NLE1: variants seen among roughly 807,000 people sequenced by gnomAD.
NLE1 encodes notchless homolog 1.
In NLE1, 37 loss-of-function variants were observed where a neutral mutation model predicts 62.8. The ratio of observed to expected loss-of-function variants is 0.59; its 90% CI spans 0.45 to 0.78. The LOEUF (loss-of-function observed/expected upper bound fraction) is 0.78, where lower values mean the gene tolerates loss of function less well. NLE1 is among the 30% of genes least tolerant of loss of function. The pLI is 0.00. For missense variants in NLE1, 555 were observed against 637.9 expected (o/e 0.87, Z 1.40); for synonymous variants, 243 against 253.0 (o/e 0.96, Z 0.37).
In NLE1 at chr17:35,133,565, C is replaced by T. The variant is rs148319978; in HGVS notation, c.1215-67G>A. On this transcript the variant is annotated intron_variant, in intron 10 of 12. Transcript: ENST00000442241. ...CATCTTTCAACACGTCTGAAGGGTC[C>T]CCTACGCTCATGGCAGTGGTTCTCA... is the stretch of plus-strand genomic sequence containing the variant. The T allele has an allele frequency of 5.0e-5, 73 of 1,455,882 alleles. No individual in the cohort carries two copies. In the East Asian group the frequency reaches 1.8e-3, roughly 35 times the overall value. The allele number at this position is 1,455,882 out of a possible 1,614,324, so 90.2% of individuals were successfully genotyped here.
chr17:35,131,769 C>T lies in NLE1; in HGVS notation c.*668G>A, dbSNP rs957506909. Reference sequence around the variant, plus strand: ...GATGAAAACCTTTCTGTGTGCTGTCCAATACTGGAGGCCTTACCCAGTGCG... The same window carrying T: ...GATGAAAACCTTTCTGTGTGCTGTCTAATACTGGAGGCCTTACCCAGTGCG... On this transcript the variant is annotated 3_prime_UTR_variant, in exon 13 of 13. Coordinates refer to ENST00000442241, the MANE Select transcript of NLE1 (RefSeq NM_018096.5). The T allele has an allele frequency of 1.3e-5, 2 of 152,382 alleles. No homozygotes were observed. The highest frequency in any genetic ancestry group is 2.9e-5 in the Non-Finnish European group (2 of 68,168). 9.4% of individuals were successfully genotyped at this position (152,382 alleles called of 1,614,324 possible).
At chr17:35,138,572 T>C (rs1403906271) in intron 4 of NLE1, among the ~76,000 whole-genome samples, 6 of 152,128 alleles carry the variant, frequency 3.9e-5, no homozygotes, top group Non-Finnish European at 5.9e-5. Context: ...GCCTCCCCAG[T>C]GGCTGGGATT....
At position 35,129,193 on chromosome 17, in the gene NLE1, A is replaced by G; in HGVS notation, c.*3244T>C. ...GACCCCTGGCGTATAAGAAATATGG[A>G]ATGAGGGTGTACCCTAAAGTGGGTG... On this transcript the variant is annotated 3_prime_UTR_variant, in exon 13 of 13. Coordinates refer to ENST00000442241, the MANE Select transcript of NLE1 (RefSeq NM_018096.5). 1.8e-6 allele frequency: 1 copy of G among 542,160 alleles called. No individual in the cohort carries two copies. The highest frequency in any genetic ancestry group is 2.4e-5 in the South Asian group (1 of 41,732). 33.6% of individuals were successfully genotyped at this position (542,160 alleles called of 1,614,324 possible).
intron 7 of NLE1, 118 bp downstream of exon 7, chr17:35,136,883 G>A (rs2091912023): frequency 1.0e-6 from 1 of 998,876 alleles, no homozygotes; most frequent in Admixed American, 2.2e-5. Flanking sequence ...CCCTAGACCA[G>A]GGCTCCCAGC....
rs573089819 is a variant in NLE1, at chr17:35,129,811, A to G, written c.*2626T>C. 110 of 1,440,930 alleles carry G rather than the reference A, an allele frequency of 7.6e-5. No individual in the cohort carries two copies. In the East Asian group the frequency reaches 2.5e-3, roughly 33 times the overall value. The allele number at this position is 1,440,930 out of a possible 1,614,324, so 89.3% of individuals were successfully genotyped here. On this transcript the variant is annotated 3_prime_UTR_variant, in exon 13 of 13. Coordinates refer to ENST00000442241, the MANE Select transcript of NLE1 (RefSeq NM_018096.5). ...TCAAGAAGCATCAATTCCAGAATGC[A>G]TGCTTCTGGGAGGTTTAAGGATTAA...
chr17:35,138,242 G>A (rs1455015788), intron 4 of NLE1, among the ~76,000 whole-genome samples: 2 of 152,112 alleles, frequency 1.3e-5, no homozygotes, highest in African/African-American at 4.8e-5. Context: ...GCTTAGAAAG[G>A]GAACATGCCC....
rs1216414147 is a variant in NLE1 at position 35,132,293 on chromosome 17, C to T, written c.*144G>A. ...GTGGGAAAACCCCATTCCGGTCTATCGAGGACAGCAGGCCACACGCATTCT... is the reference window on the plus strand; with the variant it reads ...GTGGGAAAACCCCATTCCGGTCTATTGAGGACAGCAGGCCACACGCATTCT... On this transcript the variant is annotated 3_prime_UTR_variant, in exon 13 of 13. Transcript: ENST00000442241. 6 of 608,782 alleles carry T rather than the reference C, an allele frequency of 9.9e-6. No individual in the cohort carries two copies. The highest frequency in any genetic ancestry group is 1.5e-5 in the Non-Finnish European group (6 of 392,944). 37.7% of individuals were successfully genotyped at this position (608,782 alleles called of 1,614,324 possible). A position where few individuals can be genotyped will look rare whatever the true frequency, so the allele number is the denominator to read the frequency against.
intron 7 of NLE1, 61 bp from the exon 8 acceptor site, chr17:35,136,558 C>T (rs1267751167): frequency 2.6e-6 from 4 of 1,563,362 alleles, no homozygotes; most frequent in African/African-American, 2.7e-5. Context: ...GCGATTAGCC[C>T]CAGGAGACAG....
In NLE1 at chr17:35,140,417, C is replaced by T. The variant is rs141582927; in HGVS notation, c.163-351G>A. 4.6e-5 allele frequency among the ~76,000 whole-genome samples: 7 copies of T among 151,458 alleles called. No individual in the cohort carries two copies. The East Asian group carries it at 5.9e-4, about 13-fold the overall frequency. On this transcript the variant is annotated intron_variant, in intron 2 of 12. Coordinates refer to ENST00000442241, the MANE Select transcript of NLE1 (RefSeq NM_018096.5). ...CTAAGTTTTATATTTTTAGTAGATA[C>T]GGGGTTTCGCCACATTGGCCAGGCT... is the stretch of plus-strand genomic sequence containing the variant.
At position 35,130,048 on chromosome 17, in the gene NLE1, G is replaced by A. The variant is rs2091867051; in HGVS notation, c.*2389C>T. ...CAGCCTGGGTATGGGGTAGGGGTATGGGGGTATAGAGGCCTGAGTACAGAC... is the reference window on the plus strand; with the variant it reads ...CAGCCTGGGTATGGGGTAGGGGTATAGGGGTATAGAGGCCTGAGTACAGAC... On this transcript the variant is annotated 3_prime_UTR_variant, in exon 13 of 13. Transcript: ENST00000442241. 4.3e-6 allele frequency: 6 copies of A among 1,406,500 alleles called. No homozygotes were observed. Among genetic ancestry groups the A allele is most frequent in the Non-Finnish European group, 5.5e-6 (6 of 1,084,254 alleles). The allele number at this position is 1,406,500 out of a possible 1,614,324, so 87.1% of individuals were successfully genotyped here.
chr17:35,139,336 T>G, intron 3 of NLE1, 22 bp from the exon 4 acceptor site: 1 of 1,595,522 alleles, frequency 6.3e-7, no homozygotes, highest in Non-Finnish European at 8.6e-7. Context: ...GAGAGGATGC[T>G]TGACACTGCA....
In NLE1 at chr17:35,142,266, C is replaced by T. The variant is rs781391815; in HGVS notation, c.10G>A (p.Ala4Thr). Reference sequence around the variant, plus strand: ...CATCCACGCACACCCACCGGCACTGCTGCCGCCATCCTGCGTCCCCACGTG... The same window carrying T: ...CATCCACGCACACCCACCGGCACTGTTGCCGCCATCCTGCGTCCCCACGTG... MAA[A>T]VPDEAVARDV... The change falls in exon 1 of 13, where the codon GCA (alanine) becomes ACA (threonine). Residue 4 changes from alanine to threonine, a missense_variant. Ala to Thr is a moderately conservative substitution (Grantham distance 58). Coordinates refer to ENST00000442241, the MANE Select transcript of NLE1 (RefSeq NM_018096.5). The T allele has an allele frequency of 6.5e-7, 1 of 1,543,796 alleles. No individual in the cohort carries two copies. The highest frequency in any genetic ancestry group is 1.2e-5 in the South Asian group (1 of 84,326).
At chr17:35,135,021 G>A (rs2142502748) in intron 10 of NLE1, 2 of 628,832 alleles carry the variant, frequency 3.2e-6, no homozygotes, top group Non-Finnish European at 5.9e-6. Context: ...CGCTGCACTC[G>A]AGCCACTTGA....
chr17:35,136,103 A>T (rs901182447), intron 9 of NLE1, 66 bp downstream of exon 9: 2 of 1,520,892 alleles, frequency 1.3e-6, no homozygotes, highest in African/African-American at 2.7e-5. Context: ...AGGGTCTGAG[A>T]GGGTTTTAGT....
chr17:35,135,118 A>C (rs774124214), intron 10 of NLE1, 131 bp downstream of exon 10: 4 of 821,792 alleles, frequency 4.9e-6, no homozygotes. Context: ...GGGGGTCTGC[A>C]TATTACCAAA....
intron 4 of NLE1, among the ~76,000 whole-genome samples, chr17:35,138,583 AC>A (rs1044183467): frequency 1.3e-5 from 2 of 152,100 alleles, no homozygotes; most frequent in Non-Finnish European, 2.9e-5. Flanking sequence ...GGCTGGGATT[AC>A]AAGCACACGC....
Position 35,137,558 on chromosome 17 carries a change from C to T in NLE1, c.620G>A (p.Trp207Ter). ...TGTCACTTACGCATGGAGGGGCTCC[C>T]AGCTCAGGCCTGTGATCCACTTGCT... The part of the protein sequence containing the change: ...GHSKWITGLS[W>*]EPLHANPECR... Residue 207 changes from tryptophan to a stop codon, truncating the protein, a stop_gained, in exon 6 of 13, where the codon TGG becomes TAG. Transcript: ENST00000442241. LOFTEE classifies it high-confidence loss of function. 1 of 1,609,378 alleles carries T rather than the reference C, an allele frequency of 6.2e-7. No individual in the cohort carries two copies. The highest frequency in any genetic ancestry group is 8.5e-7 in the Non-Finnish European group (1 of 1,179,834).
chr17:35,131,663 CCTGGCAGGGCCT>C lies in NLE1; in HGVS notation c.*762_*773del, dbSNP rs1250489399. On this transcript the variant is annotated 3_prime_UTR_variant, in exon 13 of 13. Transcript: ENST00000442241. The stretch of plus-strand genomic sequence containing the variant: ...CATGGGCCCAGGGCAGTGCTTGGTG[CCTGGCAGGGCCT>C]CAAGCAGTGTGCTATGCGAAGGCAG... 2.0e-5 allele frequency: 3 copies of C among 152,306 alleles called. No homozygotes were observed. The highest frequency in any genetic ancestry group is 1.3e-4 in the Admixed American group (2 of 15,292). The allele number at this position is 152,306 out of a possible 1,614,324, so 9.4% of individuals were successfully genotyped here.
chr17:35,135,071 CA>C, intron 10 of NLE1, 177 bp downstream of exon 10: 1 of 704,576 alleles, frequency 1.4e-6, no homozygotes, highest in Non-Finnish European at 2.6e-6. Flanking sequence ...TAAAAACAAA[CA>C]AACAAACAAA....
Sources: allele counts gnomAD v4.1 joint callset (sites outside exome capture counted in the v4.1 genomes callset), GRCh38; gene constraint gnomAD v4.1.1; transcripts MANE v1.5; gene names NCBI Gene and HGNC (gene_info 2026-07-23, HGNC 2026-07-21).